Variants in TXNDC16 observed in about 807,000 individuals in gnomAD.
TXNDC16 encodes the protein thioredoxin domain-containing protein 16.
TXNDC16 carries 74 observed loss-of-function variants against 85.6 expected under a neutral mutation model. The ratio of observed to expected loss-of-function variants is 0.86; its 90% CI spans 0.72 to 1.05. The LOEUF (loss-of-function observed/expected upper bound fraction) is 1.05. TXNDC16 is among the 50% of genes least tolerant of loss of function. The probability of loss-of-function intolerance (pLI) is 0.00; values close to 1 mark genes in which losing one functional copy is unlikely to be tolerated. For synonymous variants in TXNDC16, 335 were observed against 326.5 expected (o/e 1.03, Z -0.28); for missense variants, 959 against 947.0 (o/e 1.01, Z -0.17).
chr14:52,431,701 G>A lies in TXNDC16; in HGVS notation c.*603C>T, dbSNP rs1594672387. On this transcript the variant is annotated 3_prime_UTR_variant, in exon 21 of 21. Transcript: ENST00000281741. ...TCACTAAATGTCAATAACTGCCCTA[G>A]TCATGACATCAAAAATGTCTCCCGA... The A allele has an allele frequency of 1.3e-5, 2 of 152,344 alleles. No individual in the cohort carries two copies. Among genetic ancestry groups the A allele is most frequent in the African/African-American group, 4.8e-5 (2 of 41,562 alleles). The allele number at this position is 152,344 out of a possible 1,614,324, so 9.4% of individuals were successfully genotyped here.
At chr14:52,458,534 G>T (rs58797665) in intron 16 of TXNDC16, among the ~76,000 whole-genome samples, 3 of 151,572 alleles carry the variant, frequency 2.0e-5, no homozygotes, top group Admixed American at 6.6e-5. Context: ...GCCACAGAGC[G>T]AGACTCTGTC....
rs757351899 is a variant in TXNDC16 at position 52,488,375 on chromosome 14, C to A, written c.1096G>T (p.Gly366Cys). 1.2e-6 allele frequency: 2 copies of A among 1,613,350 alleles called. No individual in the cohort carries two copies. The highest frequency in any genetic ancestry group is 1.7e-6 in the Non-Finnish European group (2 of 1,179,608). Residue 366 changes from glycine to cysteine, a missense_variant, in exon 12 of 21, where the codon GGT becomes TGT. By Grantham distance (159) the Gly-to-Cys change is radical (BLOSUM62 -3). Transcript: ENST00000281741. ...IQEDEDNDME[G>C]PDIDVQDDEV... ...CATAACACATTACCTATATCTGGAC[C>A]TTCCATGTCATTGTCTTCATCTTCT...
At chr14:52,507,013 A>C (rs1490350426) in intron 9 of TXNDC16, among the ~76,000 whole-genome samples, 1 of 152,062 alleles carries the variant, frequency 6.6e-6, no homozygotes, top group Non-Finnish European at 1.5e-5. Flanking sequence ...CAAGACAGGG[A>C]TGCCCTCTCT....
intron 16 of TXNDC16, among the ~76,000 whole-genome samples, chr14:52,466,103 T>C (rs772476221): frequency 6.6e-6 from 1 of 151,952 alleles, no homozygotes; most frequent in Non-Finnish European, 1.5e-5. Flanking sequence ...ATTTCCAACA[T>C]TTTATTACGT....
chr14:52,529,376 G>T (rs1398464144), intron 6 of TXNDC16, among the ~76,000 whole-genome samples: 1 of 150,884 alleles, frequency 6.6e-6, no homozygotes, highest in Non-Finnish European at 1.5e-5. Context: ...AATATTAAAT[G>T]ACAAGTTAAT....
chr14:52,530,269 T>TAATATATA (rs1178479076), intron 6 of TXNDC16, among the ~76,000 whole-genome samples: 1 of 56,790 alleles, frequency 1.8e-5, no homozygotes, highest in Non-Finnish European at 2.7e-5. Context: ...ATAATATATA[T>TAATATATA]TATTATTTAA....
At position 52,432,420 on chromosome 14, in the gene TXNDC16, T is replaced by C. The variant is rs1566523938; in HGVS notation, c.2362A>G (p.Arg788Gly). ...KEQHEDKSAVRKEPIETLRIK... is the reference protein window; with the variant it reads ...KEQHEDKSAVGKEPIETLRIK... ...CTCAGAGTTTCAATCGGTTCTTTTC[T>C]GACTGCCGATTTATCTTCATGTTGT... The change falls in exon 21 of 21, where the codon AGA becomes GGA. Residue 788 changes from arginine to glycine, a missense_variant. Coordinates refer to ENST00000281741, the MANE Select transcript of TXNDC16 (RefSeq NM_020784.3). 4 of 1,614,066 alleles carry C rather than the reference T, an allele frequency of 2.5e-6. No individual in the cohort carries two copies. Among genetic ancestry groups the C allele is most frequent in the Middle Eastern group, 1.7e-4 (1 of 6,060 alleles).
At chr14:52,537,815 T>TGTATGTTTTTTTCTG in intron 4 of TXNDC16, 143 bp from the exon 5 acceptor site, 1 of 584,130 alleles carries the variant, frequency 1.7e-6, no homozygotes, top group Non-Finnish European at 3.0e-6. Flanking sequence ...TTGTATGCTA[T>TGTATGTTTTTTTCTG]AATTGTTCAC....
intron 1 of TXNDC16, among the ~76,000 whole-genome samples, chr14:52,551,883 T>C (rs1371420763): frequency 6.6e-6 from 1 of 152,190 alleles, no homozygotes; most frequent in African/African-American, 2.4e-5. Flanking sequence ...TACAAGTCTG[T>C]TTCTGCCTTT....
At chr14:52,525,084 T>C in intron 6 of TXNDC16, among the ~76,000 whole-genome samples, 1 of 151,750 alleles carries the variant, frequency 6.6e-6, no homozygotes, top group East Asian at 2.0e-4. Context: ...ATCACGCCAT[T>C]GCACTCCAGC....
At chr14:52,529,995 T>A (rs1459373468) in intron 6 of TXNDC16, among the ~76,000 whole-genome samples, 1 of 101,392 alleles carries the variant, frequency 9.9e-6, no homozygotes, top group Non-Finnish European at 1.7e-5. Context: ...ATATAATTCA[T>A]ATATATAATA....
chr14:52,458,861 T>C (rs570869757), intron 16 of TXNDC16, among the ~76,000 whole-genome samples: 1 of 152,292 alleles, frequency 6.6e-6, no homozygotes, highest in South Asian at 2.1e-4. Flanking sequence ...TCTTAAAAAG[T>C]CTCTTCGTAA....
chr14:52,440,661 A>C lies in TXNDC16; in HGVS notation c.1906T>G (p.Phe636Val). 1 of 1,610,996 alleles carries C rather than the reference A, an allele frequency of 6.2e-7. No individual in the cohort carries two copies. Among genetic ancestry groups the C allele is most frequent in the East Asian group, 2.2e-5 (1 of 44,624 alleles). Reference protein sequence around the residue: ...FRLQKPLLILFSDGTVNPQYK... With the variant: ...FRLQKPLLILVSDGTVNPQYK... ...TGAGGATTTACAGTGCCATCACTGA[A>C]CAAAATCAATAATGGTTTCTGAAGT... Residue 636 changes from phenylalanine to valine, a missense_variant, in exon 19 of 21, where the codon TTC becomes GTC. Phe to Val is a conservative substitution (Grantham distance 50). Coordinates refer to ENST00000281741, the MANE Select transcript of TXNDC16 (RefSeq NM_020784.3).
intron 6 of TXNDC16, among the ~76,000 whole-genome samples, chr14:52,527,978 G>C (rs1161010675): frequency 6.6e-6 from 1 of 152,084 alleles, no homozygotes; most frequent in Non-Finnish European, 1.5e-5. Flanking sequence ...TGTTTCAGCA[G>C]TGTTGTAAAT....
Position 52,542,394 on chromosome 14 carries a change from C to A in TXNDC16, c.220G>T (p.Asp74Tyr). The A allele has an allele frequency of 6.2e-7, 1 of 1,611,826 alleles. No homozygotes were observed. The highest frequency in any genetic ancestry group is 8.5e-7 in the Non-Finnish European group (1 of 1,178,934). The change falls in exon 4 of 21, where the codon GAC becomes TAC. Residue 74 changes from aspartate to tyrosine, a missense_variant. Transcript: ENST00000281741. ...ACCTTGGCAACTGAAATTCCATAGT[C>A]CTGCAGAGGTCTAACAGCCTCATTC... ...ELNEAVRPLQDYGISVAKVNC... is the reference protein window; with the variant it reads ...ELNEAVRPLQYYGISVAKVNC...
At chr14:52,527,177 C>T (rs557249143) in intron 6 of TXNDC16, among the ~76,000 whole-genome samples, 1 of 152,306 alleles carries the variant, frequency 6.6e-6, no homozygotes, top group East Asian at 1.9e-4. Context: ...GCCATGAGAA[C>T]CCCAATTTAT....
intron 6 of TXNDC16, among the ~76,000 whole-genome samples, chr14:52,525,965 A>C (rs1330059984): frequency 6.6e-6 from 1 of 151,858 alleles, no homozygotes; most frequent in Non-Finnish European, 1.5e-5. Flanking sequence ...TGTAAATGCT[A>C]TGTAGTTATA....
intron 20 of TXNDC16, among the ~76,000 whole-genome samples, chr14:52,438,933 T>A (rs1367913512): frequency 6.6e-6 from 1 of 152,166 alleles, no homozygotes; most frequent in Non-Finnish European, 1.5e-5. Flanking sequence ...TTTAATGGCA[T>A]AAATTACCAA....
chr14:52,440,609 A>G lies in TXNDC16; in HGVS notation c.1958T>C (p.Val653Ala). The change falls in exon 19 of 21, where the codon GTA becomes GCA. Residue 653 changes from valine to alanine, a missense_variant. Val to Ala is a moderately conservative substitution (Grantham distance 64). Transcript: ENST00000281741. Reference sequence around the variant, plus strand: ...AAATGAATCCAAGTATTTCTGCTTTACCAGTGTCAATATTGCTTTTTTATA... The same window carrying G: ...AAATGAATCCAAGTATTTCTGCTTTGCCAGTGTCAATATTGCTTTTTTATA... ...PQYKKAILTL[V>A]KQKYLDSFTP... The G allele has an allele frequency of 6.2e-7, 1 of 1,609,052 alleles. No individual in the cohort carries two copies.
Sources: allele counts gnomAD v4.1 joint callset (sites outside exome capture counted in the v4.1 genomes callset), GRCh38; gene constraint gnomAD v4.1.1; transcripts MANE v1.5; gene names NCBI Gene and HGNC (gene_info 2026-07-23, HGNC 2026-07-21).